The following PALS2 variants were observed in gnomAD, a reference collection of about 807,000 sequenced individuals.
PALS2 encodes protein associated with LIN7 2, MAGUK p55 family member, also known as protein PALS2.
In PALS2, 27 loss-of-function variants were observed where a neutral mutation model predicts 61.6. That is an observed-to-expected ratio of 0.44 (90% CI 0.32 to 0.60). The LOEUF is 0.60. PALS2 is among the 20% of genes least tolerant of loss of function. The probability of loss-of-function intolerance (pLI) is 0.05; values close to 1 mark genes in which losing one functional copy is unlikely to be tolerated. For synonymous variants in PALS2, 236 were observed against 218.6 expected (o/e 1.08, Z -0.70); for missense variants, 554 against 639.4 (o/e 0.87, Z 1.44).
intron 1 of PALS2, among the ~76,000 whole-genome samples, chr7:24,586,684 A>G (rs945472352): frequency 1.3e-5 from 2 of 152,220 alleles, no homozygotes; most frequent in Admixed American, 6.5e-5. Flanking sequence ...TTCTAATGCA[A>G]TCTGGTCATT....
At chr7:24,630,308 C>T (rs1224670185) in intron 2 of PALS2, among the ~76,000 whole-genome samples, 1 of 151,972 alleles carries the variant, frequency 6.6e-6, no homozygotes, top group Non-Finnish European at 1.5e-5. Context: ...GGGAGGGGAA[C>T]ATCACACACC....
At chr7:24,679,449 C>T (rs1787801001) in intron 10 of PALS2, 116 bp downstream of exon 10, 6 of 911,860 alleles carry the variant, frequency 6.6e-6, no homozygotes, top group Non-Finnish European at 1.0e-5. Context: ...AAAGGTGACT[C>T]CCTCCATTAC....
intron 3 of PALS2, among the ~76,000 whole-genome samples, chr7:24,644,896 A>G (rs372963638): frequency 6.6e-6 from 1 of 152,104 alleles, no homozygotes; most frequent in African/African-American, 2.4e-5. Flanking sequence ...TCTAACGATC[A>G]GTGATATTGA....
chr7:24,629,675 A>T (rs1033965581), intron 2 of PALS2, among the ~76,000 whole-genome samples: 1 of 152,242 alleles, frequency 6.6e-6, no homozygotes, highest in Non-Finnish European at 1.5e-5. Context: ...AAGGATATGA[A>T]CAGACATTTC....
intron 2 of PALS2, among the ~76,000 whole-genome samples, chr7:24,635,984 G>T (rs1785216299): frequency 6.6e-6 from 1 of 152,020 alleles, no homozygotes; most frequent in Non-Finnish European, 1.5e-5. Context: ...GGCTGAGGCG[G>T]GCGGATCACC....
At chr7:24,622,166 C>T (rs1784547869) in intron 1 of PALS2, among the ~76,000 whole-genome samples, 2 of 151,686 alleles carry the variant, frequency 1.3e-5, no homozygotes, top group South Asian at 4.2e-4. Context: ...TTTGAGTTTC[C>T]ATATGAATGG....
At chr7:24,685,423 A>G (rs1788143840) in intron 11 of PALS2, among the ~76,000 whole-genome samples, 1 of 152,152 alleles carries the variant, frequency 6.6e-6, no homozygotes, top group Non-Finnish European at 1.5e-5. Context: ...TCCCACCCAC[A>G]TAGGCTGCCA....
rs575904896 is a variant in PALS2 at position 24,646,031 on chromosome 7, A to C, written c.271-3581A>C. On this transcript the variant is annotated intron_variant, in intron 3 of 11. Transcript: ENST00000222644. ...GGACTTTGTATCCTTGGCTGAAGTT[A>C]TCAGCTGGAGGAGCTTTTGGGCTGA... 2.2e-4 allele frequency among the ~76,000 whole-genome samples: 33 copies of C among 152,294 alleles called. 1 individual carries two copies. In the South Asian group the frequency reaches 4.1e-3, roughly 19 times the overall value.
At chr7:24,599,193 A>G (rs1186215629) in intron 1 of PALS2, among the ~76,000 whole-genome samples, 3 of 152,166 alleles carry the variant, frequency 2.0e-5, no homozygotes, top group South Asian at 2.1e-4. Context: ...TATTTGGCCT[A>G]TTGTTCCTAG....
intron 6 of PALS2, 21 bp downstream of exon 6, chr7:24,663,742 T>C: frequency 6.3e-7 from 1 of 1,596,100 alleles, no homozygotes; most frequent in African/African-American, 1.3e-5. Context: ...TTCTCAGAAG[T>C]TCCTCAGCTA....
At chr7:24,585,574 C>A (rs767572290) in intron 1 of PALS2, among the ~76,000 whole-genome samples, 11 of 152,072 alleles carry the variant, frequency 7.2e-5, no homozygotes, top group Non-Finnish European at 1.0e-4. Context: ...TGTTTCCACC[C>A]TTGATAATTT....
At chr7:24,665,378 GA>G (rs1786960816) in intron 6 of PALS2, among the ~76,000 whole-genome samples, 1 of 152,144 alleles carries the variant, frequency 6.6e-6, no homozygotes, top group African/African-American at 2.4e-5. Flanking sequence ...TTCACTACCA[GA>G]TGACAGATAT....
intron 11 of PALS2, among the ~76,000 whole-genome samples, chr7:24,681,926 G>T (rs939540070): frequency 1.3e-5 from 2 of 152,166 alleles, no homozygotes; most frequent in Non-Finnish European, 1.5e-5. Flanking sequence ...GAAACATAGT[G>T]TTTAATGTCT....
intron 2 of PALS2, among the ~76,000 whole-genome samples, chr7:24,637,602 T>A (rs1050052666): frequency 3.3e-5 from 5 of 152,194 alleles, no homozygotes; most frequent in Admixed American, 3.3e-4. Flanking sequence ...AAATTTATGA[T>A]ATGGTCCTTG....
At position 24,694,078 on chromosome 7, in the gene PALS2, T is replaced by G. The variant is rs1435718746; in HGVS notation, c.*6464T>G. The G allele has an allele frequency of 6.6e-6, 1 of 152,146 alleles. No homozygotes were observed. Among genetic ancestry groups the G allele is most frequent in the Non-Finnish European group, 1.5e-5 (1 of 68,024 alleles). The allele number at this position is 152,146 out of a possible 1,614,324, so 9.4% of individuals were successfully genotyped here. On this transcript the variant is annotated 3_prime_UTR_variant, in exon 12 of 12. Coordinates refer to ENST00000222644, the MANE Select transcript of PALS2 (RefSeq NM_001303037.2). ...GAACAAGCTGCTTAAAGTTTCTGAT[T>G]AAGAAGTTTAAAAAGAAAAATTAAT...
chr7:24,666,953 T>A (rs1275010564), intron 8 of PALS2: 1 of 152,182 alleles, frequency 6.6e-6, no homozygotes, highest in Non-Finnish European at 1.5e-5. Context: ...TTAAAAGTAC[T>A]TTCTTGACTT....
At chr7:24,659,209 A>G (rs529493949) in intron 5 of PALS2, among the ~76,000 whole-genome samples, 4 of 152,312 alleles carry the variant, frequency 2.6e-5, no homozygotes, top group African/African-American at 9.6e-5. Context: ...ATAGTATTCC[A>G]TGATGTATAT....
At position 24,573,628 on chromosome 7, in the gene PALS2, C is replaced by T. The variant is rs1402732722; in HGVS notation, c.-3+35C>T. The T allele has an allele frequency of 5.9e-5, 19 of 320,372 alleles. No homozygotes were observed. The East Asian group carries it at 8.5e-4, about 14-fold the overall frequency. The allele number at this position is 320,372 out of a possible 1,614,324, so 19.8% of individuals were successfully genotyped here. On this transcript the variant is annotated intron_variant, in intron 1 of 11. Transcript: ENST00000222644. The surrounding 1 kb of genome is among the most constrained non-coding windows in gnomAD (Gnocchi z 5.3). ...CTGGACCCCCACGCCGCTCGGGTAA[C>T]GGTCGCGCCGCGCGCCGGGCCGGCC...
At chr7:24,611,629 C>G (rs1784115984) in intron 1 of PALS2, among the ~76,000 whole-genome samples, 1 of 151,782 alleles carries the variant, frequency 6.6e-6, no homozygotes, top group Non-Finnish European at 1.5e-5. Flanking sequence ...ATAGGTTTAT[C>G]AGAATTATGA....
Sources: gnomAD v4.1 joint callset for allele counts (sites outside exome capture counted in the v4.1 genomes callset) on GRCh38, gnomAD v4.1.1 for gene constraint, Gnocchi (gnomAD v3.1) non-coding constraint, MANE v1.5 for transcripts, NCBI Gene and HGNC (gene_info 2026-07-23, HGNC 2026-07-21) for gene names.